The following RNF123 variants were observed in gnomAD, a reference collection of about 807,000 sequenced individuals.
The protein encoded by RNF123 is E3 ubiquitin-protein ligase RNF123.
RNF123 carries 86 observed loss-of-function variants against 168.5 expected under a neutral mutation model. The observed-to-expected ratio is 0.51, with a 90% CI of 0.43 to 0.61. The LOEUF is 0.61. RNF123 is among the 20% of genes least tolerant of loss of function. RNF123 has a pLI of 0.00. For missense variants in RNF123, 1,419 were observed against 1,729.7 expected (o/e 0.82, Z 3.19); for synonymous variants, 666 against 689.1 (o/e 0.97, Z 0.52).
At chr3:49,701,345 G>C in intron 15 of RNF123, 146 bp from the exon 16 acceptor site, 4 of 690,548 alleles carry the variant, frequency 5.8e-6, no homozygotes, top group South Asian at 1.7e-5. Flanking sequence ...AGCATGCCCT[G>C]GGGGTCAGAC....
intron 12 of RNF123, 171 bp from the exon 13 acceptor site, chr3:49,700,056 A>C: frequency 1.1e-6 from 1 of 899,738 alleles, no homozygotes; most frequent in East Asian, 2.7e-5. Flanking sequence ...CCGTGGGGCA[A>C]TGGCCTTCTT....
intron 27 of RNF123, 67 bp downstream of exon 27, chr3:49,712,723 T>TAA (rs2080167635): frequency 6.4e-7 from 1 of 1,563,522 alleles, no homozygotes; most frequent in Non-Finnish European, 8.8e-7. Flanking sequence ...CTAGGAGCCC[T>TAA]GGTCTGAGAC....
At chr3:49,719,668 G>A in intron 35 of RNF123, 1 of 569,780 alleles carries the variant, frequency 1.8e-6, no homozygotes, top group South Asian at 2.3e-5. Flanking sequence ...GCTCCCTTCG[G>A]CTTCGCTAGC....
intron 25 of RNF123, among the ~76,000 whole-genome samples, chr3:49,706,360 C>G (rs968555344): frequency 6.6e-6 from 1 of 152,224 alleles, no homozygotes; most frequent in South Asian, 2.1e-4. Context: ...CAGCAGGAAG[C>G]AGGGCCTGGC....
intron 35 of RNF123, chr3:49,717,686 T>A (rs1286427029): frequency 1.8e-6 from 1 of 555,296 alleles, no homozygotes; most frequent in Admixed American, 3.2e-5. Flanking sequence ...CACTAGGAAG[T>A]CCGCGGGAAA....
At chr3:49,712,751 A>G (rs1388883653) in intron 27 of RNF123, 95 bp downstream of exon 27, 1 of 1,427,288 alleles carries the variant, frequency 7.0e-7, no homozygotes, top group Admixed American at 1.7e-5. Flanking sequence ...GCCCAGCAAC[A>G]CACTTCTGTG....
At chr3:49,693,269 T>C (rs558078569) in intron 3 of RNF123, among the ~76,000 whole-genome samples, 111 of 151,846 alleles carry the variant, frequency 7.3e-4, no homozygotes, top group Non-Finnish European at 1.4e-3. Context: ...AGGATGGTCT[T>C]GATCTCCTGA....
Position 49,701,620 on chromosome 3 carries a change from C to T in RNF123, c.1395+12C>T. ...GCTCCAGTAGGGAGGTGAGTGCACCCCAAGTGGGATGGGCAGAGGTCATGG... is the reference window on the plus strand; with the variant it reads ...GCTCCAGTAGGGAGGTGAGTGCACCTCAAGTGGGATGGGCAGAGGTCATGG... On this transcript the variant is annotated intron_variant, in intron 16 of 38. Coordinates refer to ENST00000327697, the MANE Select transcript of RNF123 (RefSeq NM_022064.5). 6.2e-7 allele frequency: 1 copy of T among 1,605,812 alleles called. No individual in the cohort carries two copies. The highest frequency in any genetic ancestry group is 1.1e-5 in the South Asian group (1 of 90,908).
chr3:49,720,502 C>T lies in RNF123; in HGVS notation c.3501-9C>T, dbSNP rs559234096. The T allele has an allele frequency of 4.5e-5, 70 of 1,554,526 alleles. No individual in the cohort carries two copies. In the South Asian group the frequency reaches 7.8e-4, roughly 17 times the overall value. On this transcript the variant is annotated splice_polypyrimidine_tract_variant and intron_variant, in intron 35 of 38. Transcript: ENST00000327697. ...CCTTCTGACTGCCCTTGCACCCTCC[C>T]CTACCTAGGAGAGAGCAAGCCACAT...
intron 15 of RNF123, among the ~76,000 whole-genome samples, chr3:49,701,289 G>A (rs967107120): frequency 6.6e-6 from 1 of 152,234 alleles, no homozygotes; most frequent in South Asian, 2.1e-4. Context: ...TGCACCTGCT[G>A]GGTACTGGAG....
At chr3:49,713,853 C>T in intron 29 of RNF123, 28 bp downstream of exon 29, 2 of 1,613,206 alleles carry the variant, frequency 1.2e-6, no homozygotes, top group Non-Finnish European at 1.7e-6. Context: ...GGCACACACC[C>T]TGGCCACAAG....
chr3:49,698,341 C>A, intron 7 of RNF123, 99 bp from the exon 8 acceptor site: 1 of 1,077,102 alleles, frequency 9.3e-7, no homozygotes, highest in Non-Finnish European at 1.4e-6. Flanking sequence ...TCATCTGTTC[C>A]CTTCTGTAGA....
intron 35 of RNF123, chr3:49,717,424 C>G (rs889485669): frequency 6.0e-6 from 1 of 166,798 alleles, no homozygotes; most frequent in Non-Finnish European, 1.3e-5. Context: ...GGGGTGTGGG[C>G]GAGATCTTCC....
rs1485935398 is a variant in RNF123, at chr3:49,721,516, T to G, written c.*211T>G. ...GTCAGGGCCACAGTGAGCATTAAATTATTATTCCATACAGCCCTGGCCCTG... is the reference window on the plus strand; with the variant it reads ...GTCAGGGCCACAGTGAGCATTAAATGATTATTCCATACAGCCCTGGCCCTG... On this transcript the variant is annotated 3_prime_UTR_variant, in exon 39 of 39. Transcript: ENST00000327697. 2 of 826,498 alleles carry G rather than the reference T, an allele frequency of 2.4e-6. No individual in the cohort carries two copies. Among genetic ancestry groups the G allele is most frequent in the Admixed American group, 3.9e-5 (2 of 51,492 alleles). The allele number at this position is 826,498 out of a possible 1,614,324, so 51.2% of individuals were successfully genotyped here.
chr3:49,707,639 C>T (rs757287311), intron 26 of RNF123, among the ~76,000 whole-genome samples: 1 of 152,160 alleles, frequency 6.6e-6, no homozygotes, highest in Non-Finnish European at 1.5e-5. Flanking sequence ...CTTGGGCATA[C>T]CCCTGCATGA....
rs1050223075 is a variant in RNF123 at position 49,699,765 on chromosome 3, C to T, written c.977C>T (p.Pro326Leu). ...GCCCACATCTTCCATCACTTTGCAC[C>T]GCTTCTGGTGAGCGGCATTGGGAGG... ...TLAHIFHHFA[P>L]LLRKVYLVEA... The change falls in exon 12 of 39, where the codon CCG (proline) becomes CTG (leucine). Residue 326 changes from proline (P) to leucine (L), a missense_variant. This residue lies in a region of RNF123 where 318 missense variants were observed against 446.6 expected (regional missense o/e 0.71). Transcript: ENST00000327697. The surrounding 1 kb of genome is among the most constrained non-coding windows in gnomAD (Gnocchi z 4.8). The T allele has an allele frequency of 9.3e-6, 15 of 1,613,352 alleles. No homozygotes were observed. Among genetic ancestry groups the T allele is most frequent in the East Asian group, 2.2e-5 (1 of 44,872 alleles).
Position 49,720,574 on chromosome 3 carries a change from T to C in RNF123, c.3564T>C (p.Tyr1188=), listed in dbSNP as rs757560046. The part of the protein sequence containing the change: ...DPCFQLRSIC[Y]LLGQPEPPAP... The stretch of plus-strand genomic sequence containing the variant: ...GCTTCCAGCTACGCTCAATATGCTA[T>C]CTCCTGGGACAGCCAGAGCCCCCAG... The change falls in exon 36 of 39, where the codon TAT becomes TAC. Residue 1188 remains tyrosine, a synonymous_variant. Coordinates refer to ENST00000327697, the MANE Select transcript of RNF123 (RefSeq NM_022064.5). 6.2e-7 allele frequency: 1 copy of C among 1,612,082 alleles called. No homozygotes were observed. Among genetic ancestry groups the C allele is most frequent in the South Asian group, 1.1e-5 (1 of 90,880 alleles).
chr3:49,704,559 A>G (rs1228679473), intron 21 of RNF123, 91 bp from the exon 22 acceptor site: 2 of 1,083,188 alleles, frequency 1.8e-6, no homozygotes, highest in Non-Finnish European at 2.7e-6. Context: ...CCTCCTGCCC[A>G]GTGTGCTGGG....
Position 49,700,974 on chromosome 3 carries a change from G to A in RNF123, c.1277+265G>A, listed in dbSNP as rs943300570. Among the ~76,000 whole-genome samples the A allele has an allele frequency of 5.9e-5, 9 of 152,254 alleles. No individual in the cohort carries two copies. The South Asian group carries it at 6.2e-4, about 10-fold the overall frequency. On this transcript the variant is annotated intron_variant, in intron 15 of 38. Transcript: ENST00000327697. ...AGGGGCCACAGGGCCTGCCCTCTTC[G>A]GCCACAGCCCAGCACTTTTGTTCAT...
Sources: allele counts gnomAD v4.1 joint callset (sites outside exome capture counted in the v4.1 genomes callset), GRCh38; gene constraint gnomAD v4.1.1; regional missense constraint gnomAD v4.1.1; non-coding constraint Gnocchi (gnomAD v3.1); transcripts MANE v1.5; gene names NCBI Gene and HGNC (gene_info 2026-07-23, HGNC 2026-07-21).